Variants in MAGI1 observed in about 807,000 individuals in gnomAD.
The protein encoded by MAGI1 is membrane associated guanylate kinase, WW and PDZ domain containing 1, also known as membrane-associated guanylate kinase, WW and PDZ domain-containing protein 1.
MAGI1 carries 58 observed loss-of-function variants against 139.9 expected under a neutral mutation model. The observed-to-expected ratio is 0.41, with a 90% confidence interval of 0.34 to 0.52. The LOEUF (loss-of-function observed/expected upper bound fraction) is 0.52, where lower values mean the gene tolerates loss of function less well. Ranked by LOEUF, MAGI1 falls within the 20% of genes least tolerant of loss-of-function variation. The probability of loss-of-function intolerance (pLI) is 0.12; values close to 1 mark genes in which losing one functional copy is unlikely to be tolerated. For missense variants in MAGI1, 1,874 were observed against 1,901.6 expected, an observed-to-expected ratio of 0.99 and a Z score of 0.27; for synonymous variants, 812 against 737.9, an observed-to-expected ratio of 1.10 and a Z score of -1.63.
intron 2 of MAGI1, among the ~76,000 whole-genome samples, chr3:65,587,885 C>G (rs1255117245): frequency 1.3e-5 from 2 of 152,268 alleles, no homozygotes; most frequent in African/African-American, 4.8e-5. Context: ...AATGAAACAA[C>G]AGAAGCACTC....
chr3:65,881,198 C>T (rs2060314631), intron 1 of MAGI1, among the ~76,000 whole-genome samples: 1 of 152,104 alleles, frequency 6.6e-6, no homozygotes, highest in Non-Finnish European at 1.5e-5. Flanking sequence ...TTTAACTCTT[C>T]TGCACCCTGA....
intron 1 of MAGI1, among the ~76,000 whole-genome samples, chr3:65,689,160 C>A (rs2088341213): frequency 6.6e-6 from 1 of 152,186 alleles, no homozygotes; most frequent in African/African-American, 2.4e-5. Flanking sequence ...CAAGGGAAAA[C>A]AAAAGCTCTA....
chr3:66,028,561 G>A (rs1296817883), intron 1 of MAGI1, among the ~76,000 whole-genome samples: 2 of 151,752 alleles, frequency 1.3e-5, no homozygotes, highest in African/African-American at 4.8e-5. Context: ...GAGCCCAGAC[G>A]TGGTACCAGG....
intron 13 of MAGI1, among the ~76,000 whole-genome samples, chr3:65,399,257 A>T (rs1944660789): frequency 6.6e-6 from 1 of 152,194 alleles, no homozygotes; most frequent in Admixed American, 6.5e-5. Flanking sequence ...TGGTACCAGG[A>T]CATCCAGCTT....
At chr3:66,031,168 T>C (rs2068570689) in intron 1 of MAGI1, among the ~76,000 whole-genome samples, 1 of 152,222 alleles carries the variant, frequency 6.6e-6, no homozygotes, top group Non-Finnish European at 1.5e-5. Flanking sequence ...CCTACTTTTT[T>C]AGGATGTGAA....
chr3:65,667,892 C>A (rs2086627698), intron 1 of MAGI1, among the ~76,000 whole-genome samples: 1 of 152,104 alleles, frequency 6.6e-6, no homozygotes, highest in Non-Finnish European at 1.5e-5. Context: ...TTTAACACTC[C>A]CACCTGCAGC....
chr3:65,805,663 A>C (rs1212746334), intron 1 of MAGI1, among the ~76,000 whole-genome samples: 1 of 152,244 alleles, frequency 6.6e-6, no homozygotes, highest in African/African-American at 2.4e-5. Context: ...GCACATTCAC[A>C]ATAGCAAAGA....
intron 1 of MAGI1, chr3:65,874,609 G>C (rs765555720): frequency 3.3e-5 from 5 of 152,166 alleles, no homozygotes; most frequent in Non-Finnish European, 7.3e-5. Flanking sequence ...ACAAAGACAG[G>C]CAAGTGCTGG....
intron 1 of MAGI1, among the ~76,000 whole-genome samples, chr3:65,897,273 A>T (rs1462991818): frequency 6.6e-6 from 1 of 152,158 alleles, no homozygotes; most frequent in Non-Finnish European, 1.5e-5. Flanking sequence ...AAATTAATGG[A>T]CTTTAATTCC....
At chr3:65,371,371 T>C (rs1329269565) in intron 18 of MAGI1, among the ~76,000 whole-genome samples, 1 of 152,244 alleles carries the variant, frequency 6.6e-6, no homozygotes, top group East Asian at 1.9e-4. Flanking sequence ...CTATTAAGTG[T>C]GCAATGGCAT....
chr3:65,606,275 C>T (rs2082732957), intron 2 of MAGI1, among the ~76,000 whole-genome samples: 1 of 152,212 alleles, frequency 6.6e-6, no homozygotes, highest in South Asian at 2.1e-4. Context: ...TCAGCAACCA[C>T]TGCACCGTGC....
chr3:65,374,734 CCTAACTAGATGCTA>C (rs1223932514), intron 18 of MAGI1, among the ~76,000 whole-genome samples: 1 of 152,118 alleles, frequency 6.6e-6, no homozygotes, highest in Non-Finnish European at 1.5e-5. Flanking sequence ...GCATGTCTGA[CCTAACTAGATGCTA>C]CTCACACCCA....
At chr3:65,857,817 G>C (rs1023867897) in intron 1 of MAGI1, among the ~76,000 whole-genome samples, 1 of 152,128 alleles carries the variant, frequency 6.6e-6, no homozygotes, top group African/African-American at 2.4e-5. Context: ...CATTCGTTTC[G>C]TGGGGACACA....
chr3:65,367,111 A>G (rs1941497350), intron 18 of MAGI1, among the ~76,000 whole-genome samples: 1 of 152,164 alleles, frequency 6.6e-6, no homozygotes, highest in African/African-American at 2.4e-5. Flanking sequence ...AATTTTATGG[A>G]GACTCTCAGA....
At chr3:65,651,800 T>A (rs1274290321) in intron 1 of MAGI1, among the ~76,000 whole-genome samples, 4 of 152,172 alleles carry the variant, frequency 2.6e-5, no homozygotes, top group Admixed American at 6.5e-5. Flanking sequence ...AGTTAATTTT[T>A]CTAATGATTT....
intron 1 of MAGI1, among the ~76,000 whole-genome samples, chr3:65,760,705 C>G (rs1237880637): frequency 6.6e-6 from 1 of 152,082 alleles, no homozygotes; most frequent in Non-Finnish European, 1.5e-5. Flanking sequence ...CTGGCCCAGC[C>G]TAGAGTTATA....
intron 1 of MAGI1, among the ~76,000 whole-genome samples, chr3:65,957,327 A>C (rs2064171769): frequency 6.8e-6 from 1 of 147,678 alleles, no homozygotes; most frequent in South Asian, 2.2e-4. Flanking sequence ...CTGCCTGGAT[A>C]ACATGGCAAA....
intron 1 of MAGI1, among the ~76,000 whole-genome samples, chr3:65,719,745 C>T (rs1412465860): frequency 6.6e-6 from 1 of 152,030 alleles, no homozygotes; most frequent in Non-Finnish European, 1.5e-5. Flanking sequence ...AGGAGTTTTG[C>T]CATGTTGGCC....
intron 1 of MAGI1, among the ~76,000 whole-genome samples, chr3:66,030,900 T>C (rs2068553068): frequency 6.6e-6 from 1 of 152,206 alleles, no homozygotes; most frequent in African/African-American, 2.4e-5. Flanking sequence ...ATTTTCTAAT[T>C]TTGCTACATG....
Sources: gnomAD v4.1 joint callset for allele counts (sites outside exome capture counted in the v4.1 genomes callset) on GRCh38, gnomAD v4.1.1 for gene constraint, MANE v1.5 for transcripts, NCBI Gene and HGNC (gene_info 2026-07-23, HGNC 2026-07-21) for gene names.